The following HYKK variants were observed in gnomAD, a reference collection of about 807,000 sequenced individuals.
HYKK encodes the protein hydroxylysine kinase.
In HYKK, 19 loss-of-function variants were observed where a neutral mutation model predicts 29.7. The ratio of observed to expected loss-of-function variants is 0.64; its 90% CI spans 0.45 to 0.94. The LOEUF (loss-of-function observed/expected upper bound fraction) is 0.94, where lower values mean the gene tolerates loss of function less well. Among genes scored for constraint, HYKK ranks in the 40% least tolerant of loss-of-function variants. The pLI, the probability that HYKK is intolerant of heterozygous loss-of-function variation, is 0.00. For synonymous variants in HYKK, 152 were observed against 158.1 expected (o/e 0.96, Z 0.29); for missense variants, 390 against 443.4 (o/e 0.88, Z 1.08).
intron 4 of HYKK, among the ~76,000 whole-genome samples, chr15:78,529,224 G>A (rs535776419): frequency 1.4e-4 from 22 of 152,088 alleles, no homozygotes; most frequent in Admixed American, 2.0e-4. Flanking sequence ...AAGATTCTGC[G>A]TGTCATTGCA....
In HYKK at chr15:78,513,087, T is replaced by TAATGTC; in HGVS notation, c.2_7dup. 1.3e-6 allele frequency: 2 copies of TAATGTC among 1,583,802 alleles called. No individual in the cohort carries two copies. The highest frequency in any genetic ancestry group is 1.7e-6 in the Non-Finnish European group (2 of 1,154,674). ...TTGTTGCTTTTTGTTCCCCTAGACA[T>TAATGTC]AATGTCAAGTGGAAACTATCAGCAG... is the stretch of plus-strand genomic sequence containing the variant. On this transcript the variant is annotated 5_prime_UTR_variant, in exon 2 of 5. In the 5' UTR this introduces an upstream ATG that the reference lacks. Transcript: ENST00000388988.
intron 4 of HYKK, among the ~76,000 whole-genome samples, chr15:78,532,957 A>G (rs571760910): frequency 3.9e-5 from 6 of 152,210 alleles, no homozygotes; most frequent in Non-Finnish European, 8.8e-5. Flanking sequence ...CTAATGGCCA[A>G]AATCAGGTAT....
At chr15:78,516,597 G>T (rs544294162) in intron 3 of HYKK, among the ~76,000 whole-genome samples, 1 of 151,812 alleles carries the variant, frequency 6.6e-6, no homozygotes, top group Non-Finnish European at 1.5e-5. Context: ...CAGTCTTCCC[G>T]CCTCTGCCTC....
intron 3 of HYKK, among the ~76,000 whole-genome samples, chr15:78,520,220 CTTTATTTATTTA>C (rs3053621): frequency 2.6e-4 from 39 of 150,686 alleles, no homozygotes; most frequent in Admixed American, 5.3e-4. Flanking sequence ...GAGCTGAGTT[CTTTATTTATTTA>C]TTTATTTATT....
At chr15:78,512,069 A>G (rs904021419) in intron 1 of HYKK, among the ~76,000 whole-genome samples, 2 of 152,198 alleles carry the variant, frequency 1.3e-5, no homozygotes, top group Non-Finnish European at 2.9e-5. Context: ...TGGAAAACAT[A>G]TTCTTTACAA....
intron 3 of HYKK, among the ~76,000 whole-genome samples, chr15:78,520,795 T>A (rs997724358): frequency 1.3e-5 from 2 of 152,068 alleles, no homozygotes; most frequent in African/African-American, 4.8e-5. Flanking sequence ...GAGGGGCTCC[T>A]CACTTCCCAG....
At chr15:78,526,344 C>T (rs887971421) in intron 3 of HYKK, among the ~76,000 whole-genome samples, 8 of 152,122 alleles carry the variant, frequency 5.3e-5, no homozygotes, top group Admixed American at 5.2e-4. Context: ...AGTAAGTGAA[C>T]TATGACAAAT....
chr15:78,513,264 C>T lies in HYKK; in HGVS notation c.176C>T (p.Pro59Leu). The T allele has an allele frequency of 6.2e-7, 1 of 1,614,114 alleles. No homozygotes were observed. Among genetic ancestry groups the T allele is most frequent in the Non-Finnish European group, 8.5e-7 (1 of 1,180,030 alleles). Residue 59 changes from proline to leucine, a missense_variant, in exon 2 of 5, where the codon CCA (proline) becomes CTA (leucine). Pro to Leu is a moderately conservative substitution (Grantham distance 98). Transcript: ENST00000388988. The part of the protein sequence containing the change: ...HVYVSKTKDG[P>L]TEYVLKISNT... The stretch of plus-strand genomic sequence containing the variant: ...TACGTTTCAAAAACCAAAGATGGCC[C>T]AACTGAATATGTCCTCAAAATAAGC...
Position 78,515,010 on chromosome 15 carries a change from C to A in HYKK, c.380C>A (p.Thr127Asn), listed in dbSNP as rs775818700. Residue 127 changes from threonine (T) to asparagine (N), a missense_variant, in exon 3 of 5, where the codon ACT becomes AAT. Thr to Asn is a moderately conservative substitution (Grantham distance 65, BLOSUM62 0). Coordinates refer to ENST00000388988, the MANE Select transcript of HYKK (RefSeq NM_001013619.4). Reference sequence around the variant, plus strand: ...AAAAGCTACTTGGTGAGGCTGCTGACTTACCTCCCAGGAAGACCCATCGCT... The same window carrying A: ...AAAAGCTACTTGGTGAGGCTGCTGAATTACCTCCCAGGAAGACCCATCGCT... ...EIKSYLVRLL[T>N]YLPGRPIAEL... is the part of the protein sequence containing the mutation. 6.3e-7 allele frequency: 1 copy of A among 1,598,092 alleles called. No homozygotes were observed. Among genetic ancestry groups the A allele is most frequent in the Non-Finnish European group, 8.5e-7 (1 of 1,171,218 alleles).
chr15:78,526,747 C>T (rs1483825120), intron 3 of HYKK, among the ~76,000 whole-genome samples: 2 of 152,196 alleles, frequency 1.3e-5, no homozygotes, highest in Non-Finnish European at 2.9e-5. Context: ...CCTATCTTTA[C>T]ATAATTATGA....
In HYKK at chr15:78,531,737, G is replaced by A. The variant is rs2052314845; in HGVS notation, c.662-1473G>A. Among the ~76,000 whole-genome samples the A allele has an allele frequency of 3.3e-5, 5 of 152,186 alleles. No individual in the cohort carries two copies. In the South Asian group the frequency reaches 1.0e-3, roughly 32 times the overall value. On this transcript the variant is annotated intron_variant, in intron 4 of 4. Coordinates refer to ENST00000388988, the MANE Select transcript of HYKK (RefSeq NM_001013619.4). Reference sequence around the variant, plus strand: ...ATAGAAACAGGGTTTCACTACGTTGGATAGGCTGGTCTCGAACTCCTAGAC... The same window carrying A: ...ATAGAAACAGGGTTTCACTACGTTGAATAGGCTGGTCTCGAACTCCTAGAC...
chr15:78,511,858 C>A (rs1036300541), intron 1 of HYKK, among the ~76,000 whole-genome samples: 22 of 152,270 alleles, frequency 1.4e-4, no homozygotes, highest in African/African-American at 5.1e-4. Flanking sequence ...CAAAGTGAGA[C>A]CCCCATCTCT....
intron 1 of HYKK, among the ~76,000 whole-genome samples, chr15:78,510,918 C>T (rs1343950141): frequency 6.7e-6 from 1 of 148,504 alleles, no homozygotes; most frequent in Admixed American, 6.7e-5. Context: ...AGAAGCAATA[C>T]ATCTTCCACT....
At chr15:78,513,543 A>G in intron 2 of HYKK, 118 bp downstream of exon 2, 1 of 728,286 alleles carries the variant, frequency 1.4e-6, no homozygotes, top group East Asian at 2.6e-5. Flanking sequence ...GGTTGTTATT[A>G]TTTTTTAGCA....
chr15:78,529,576 C>T (rs2052290478), intron 4 of HYKK, among the ~76,000 whole-genome samples: 1 of 152,194 alleles, frequency 6.6e-6, no homozygotes. Flanking sequence ...AAATTTTTCT[C>T]AATCTGATTT....
At chr15:78,518,115 C>T (rs767081732) in intron 3 of HYKK, among the ~76,000 whole-genome samples, 4 of 152,218 alleles carry the variant, frequency 2.6e-5, no homozygotes, top group African/African-American at 4.8e-5. Flanking sequence ...CTCTGGGCTC[C>T]GCCTGGGTCT....
chr15:78,522,786 T>A lies in HYKK; in HGVS notation c.478-4594T>A, dbSNP rs148550430. 3.0e-3 allele frequency among the ~76,000 whole-genome samples: 456 copies of A among 151,672 alleles called. 3 individuals carry two copies. Among genetic ancestry groups the A allele is most frequent in the Non-Finnish European group, 5.1e-3 (348 of 67,892 alleles). On this transcript the variant is annotated intron_variant, in intron 3 of 4. Transcript: ENST00000388988. ...TTCAGCTACTTGGGAGGATGAGGCA[T>A]TAGAATCAGTTGAACCTTGGTGGCA...
chr15:78,533,544 C>T lies in HYKK; in HGVS notation c.996C>T (p.Asp332=), dbSNP rs758727924. 44 of 1,613,602 alleles carry T rather than the reference C, an allele frequency of 2.7e-5. No individual in the cohort carries two copies. In the Middle Eastern group the frequency reaches 4.9e-4, roughly 18 times the overall value. The change falls in exon 5 of 5, where the codon GAC becomes GAT. Residue 332 remains aspartate, a synonymous_variant. Transcript: ENST00000388988. ...GCCAGCTATACCCAGAGAACAAAGA[C>T]TATCTCATGGTTACTGCAAAAACCG... The part of the protein sequence containing the change: ...YSCQLYPENK[D]YLMVTAKTGW...
At chr15:78,520,417 A>G (rs953867428) in intron 3 of HYKK, among the ~76,000 whole-genome samples, 18 of 151,980 alleles carry the variant, frequency 1.2e-4, no homozygotes, top group East Asian at 3.9e-4. Context: ...CTGGGTACTT[A>G]AGATTAGGGA....
Sources: allele counts gnomAD v4.1 joint callset (sites outside exome capture counted in the v4.1 genomes callset), GRCh38; gene constraint gnomAD v4.1.1; transcripts MANE v1.5; gene names NCBI Gene and HGNC (gene_info 2026-07-23, HGNC 2026-07-21).